The following TSPAN5 variants were observed in gnomAD, a reference collection of about 807,000 sequenced individuals.
TSPAN5 encodes the protein tetraspanin 5.
TSPAN5 carries 10 observed loss-of-function variants against 37.1 expected under a neutral mutation model. That is an observed-to-expected ratio of 0.27 (90% CI 0.17 to 0.46). TSPAN5 has a LOEUF of 0.46. TSPAN5 is among the 20% of genes least tolerant of loss of function. The probability of loss-of-function intolerance (pLI) is 1.00; values close to 1 mark genes in which losing one functional copy is unlikely to be tolerated. For synonymous variants in TSPAN5, 110 were observed against 118.9 expected (o/e 0.93, Z 0.48); for missense variants, 195 against 326.6 (o/e 0.60, Z 3.11).
intron 1 of TSPAN5, among the ~76,000 whole-genome samples, chr4:98,524,964 T>G (rs1290592052): frequency 6.6e-6 from 1 of 152,212 alleles, no homozygotes; most frequent in Non-Finnish European, 1.5e-5. Context: ...ATCAAGGTAT[T>G]GTCCCAAGAG....
chr4:98,599,760 T>C (rs1215329707), intron 1 of TSPAN5, among the ~76,000 whole-genome samples: 1 of 152,254 alleles, frequency 6.6e-6, no homozygotes, highest in Admixed American at 6.5e-5. Context: ...ATCTGTAAAT[T>C]TGTTCCCTTT....
Position 98,558,169 on chromosome 4 carries a change from C to T in TSPAN5, c.82-50441G>A, listed in dbSNP as rs144136443. On this transcript the variant is annotated intron_variant, in intron 1 of 7. Coordinates refer to ENST00000305798, the MANE Select transcript of TSPAN5 (RefSeq NM_005723.4). Reference sequence around the variant, plus strand: ...TCCCCGGTGACGCAAAGAAACAGCACTCGAACATAAATTTAATCATCTTAG... The same window carrying T: ...TCCCCGGTGACGCAAAGAAACAGCATTCGAACATAAATTTAATCATCTTAG... Among the ~76,000 whole-genome samples the T allele has an allele frequency of 4.6e-3, 686 of 150,498 alleles. 6 individuals are homozygous for T. Among genetic ancestry groups the T allele is most frequent in the African/African-American group, 0.016 (654 of 40,932 alleles).
At chr4:98,655,174 T>A (rs1560575672) in intron 1 of TSPAN5, among the ~76,000 whole-genome samples, 1 of 152,116 alleles carries the variant, frequency 6.6e-6, no homozygotes, top group Non-Finnish European at 1.5e-5. Flanking sequence ...GTTTTTTGTT[T>A]TTTGTTTGTT....
chr4:98,621,788 A>ACCCC (rs373904542), intron 1 of TSPAN5, among the ~76,000 whole-genome samples: 1 of 130,436 alleles, frequency 7.7e-6, no homozygotes. Context: ...CCTCATTCCC[A>ACCCC]CCCCCCCCGC....
chr4:98,522,792 T>C (rs766175470), intron 1 of TSPAN5, among the ~76,000 whole-genome samples: 1 of 152,224 alleles, frequency 6.6e-6, no homozygotes, highest in Non-Finnish European at 1.5e-5. Flanking sequence ...AGGGGGGATG[T>C]CTGAAAACAA....
chr4:98,619,245 C>T (rs1378228463), intron 1 of TSPAN5, among the ~76,000 whole-genome samples: 1 of 152,168 alleles, frequency 6.6e-6, no homozygotes, highest in African/African-American at 2.4e-5. Flanking sequence ...TTTGCTTATA[C>T]TTCTGTTGCT....
chr4:98,595,673 C>T (rs1386410848), intron 1 of TSPAN5, among the ~76,000 whole-genome samples: 1 of 131,090 alleles, frequency 7.6e-6, no homozygotes, highest in Non-Finnish European at 1.5e-5. Context: ...ATCTTTATTT[C>T]TGCCTTCATT....
At chr4:98,539,570 AT>A (rs79071816) in intron 1 of TSPAN5, among the ~76,000 whole-genome samples, 2 of 150,876 alleles carry the variant, frequency 1.3e-5, no homozygotes, top group South Asian at 2.1e-4. Flanking sequence ...TTCCCTTTAG[AT>A]TTTTTTTTTC....
chr4:98,655,295 C>T (rs1229261211), intron 1 of TSPAN5, among the ~76,000 whole-genome samples: 1 of 152,166 alleles, frequency 6.6e-6, no homozygotes, highest in Non-Finnish European at 1.5e-5. Context: ...CTGGTATATA[C>T]TACTTCTGTT....
At chr4:98,566,442 G>A (rs978465810) in intron 1 of TSPAN5, among the ~76,000 whole-genome samples, 3 of 152,162 alleles carry the variant, frequency 2.0e-5, no homozygotes, top group Non-Finnish European at 4.4e-5. Context: ...ATTAGAAAAA[G>A]ATGGCAGTGG....
In TSPAN5 at chr4:98,471,368, GATC is replaced by G. The variant is rs2110248683; in HGVS notation, c.*1151_*1153del. The G allele has an allele frequency of 6.6e-6, 1 of 152,270 alleles. No individual in the cohort carries two copies. The highest frequency in any genetic ancestry group is 1.5e-5 in the Non-Finnish European group (1 of 68,036). 9.4% of individuals were successfully genotyped at this position (152,270 alleles called of 1,614,324 possible). ...GGCCACTCAGATCGACTCTGGAAGAGATCATCAAGACCAGGGAAGCATTTGGAT... is the reference window on the plus strand; with the variant it reads ...GGCCACTCAGATCGACTCTGGAAGAGATCAAGACCAGGGAAGCATTTGGAT... On this transcript the variant is annotated 3_prime_UTR_variant, in exon 8 of 8. Coordinates refer to ENST00000305798, the MANE Select transcript of TSPAN5 (RefSeq NM_005723.4).
In TSPAN5 at chr4:98,539,151, A is replaced by C. The variant is rs960747155; in HGVS notation, c.82-31423T>G. Among the ~76,000 whole-genome samples the C allele has an allele frequency of 3.2e-3, 487 of 152,192 alleles. 2 individuals carry two copies. The highest frequency in any genetic ancestry group is 0.011 in the African/African-American group (475 of 41,538). Reference sequence around the variant, plus strand: ...TCCCCCTCACCCCCACCAAAAAAAAAAAAAACCAAAAAACCTTTTATGTTA... The same window carrying C: ...TCCCCCTCACCCCCACCAAAAAAAACAAAAACCAAAAAACCTTTTATGTTA... On this transcript the variant is annotated intron_variant, in intron 1 of 7. Transcript: ENST00000305798.
At position 98,486,698 on chromosome 4, in the gene TSPAN5, T is replaced by A; in HGVS notation, c.279+40A>T. On this transcript the variant is annotated intron_variant, in intron 3 of 7. Coordinates refer to ENST00000305798, the MANE Select transcript of TSPAN5 (RefSeq NM_005723.4). ...GGTGACCTCCTGATGGAAGGTAAAG[T>A]TTTGGCTCTCAATCTGAGAGTAGAG... 1.9e-6 allele frequency: 3 copies of A among 1,613,024 alleles called. 1 individual carries two copies. The highest frequency in any genetic ancestry group is 1.7e-5 in the Admixed American group (1 of 59,986).
intron 1 of TSPAN5, among the ~76,000 whole-genome samples, chr4:98,608,491 C>T (rs915386857): frequency 1.3e-5 from 2 of 152,134 alleles, no homozygotes; most frequent in Non-Finnish European, 2.9e-5. Context: ...TCCTAACCCC[C>T]TTATCTCTCC....
chr4:98,497,349 C>G (rs1238461838), intron 2 of TSPAN5, among the ~76,000 whole-genome samples: 2 of 151,252 alleles, frequency 1.3e-5, no homozygotes, highest in Non-Finnish European at 2.9e-5. Context: ...AAGGAAGAGA[C>G]CAGGGCCCTC....
chr4:98,612,364 A>G (rs1756217698), intron 1 of TSPAN5, among the ~76,000 whole-genome samples: 1 of 152,238 alleles, frequency 6.6e-6, no homozygotes, highest in African/African-American at 2.4e-5. Flanking sequence ...GCAGGGAATG[A>G]AAAGGCTGGA....
At chr4:98,543,943 C>T (rs1206636633) in intron 1 of TSPAN5, among the ~76,000 whole-genome samples, 4 of 151,742 alleles carry the variant, frequency 2.6e-5, no homozygotes, top group African/African-American at 9.7e-5. Context: ...TTTGGGAGGC[C>T]GAGGCAGGAG....
At chr4:98,480,122 G>C (rs1319080484) in intron 4 of TSPAN5, among the ~76,000 whole-genome samples, 1 of 152,196 alleles carries the variant, frequency 6.6e-6, no homozygotes, top group Non-Finnish European at 1.5e-5. Context: ...CCTGGGAACA[G>C]AGAGATCCCT....
intron 1 of TSPAN5, among the ~76,000 whole-genome samples, chr4:98,544,288 C>T (rs1305564598): frequency 6.6e-6 from 1 of 152,178 alleles, no homozygotes; most frequent in African/African-American, 2.4e-5. Flanking sequence ...GGAATGTGCC[C>T]TCAATTTCAC....
Sources: gnomAD v4.1 joint callset for allele counts (sites outside exome capture counted in the v4.1 genomes callset) on GRCh38, gnomAD v4.1.1 for gene constraint, MANE v1.5 for transcripts, NCBI Gene and HGNC (gene_info 2026-07-23, HGNC 2026-07-21) for gene names.